PUM1: variants seen among roughly 807,000 people sequenced by gnomAD.
PUM1 encodes pumilio RNA binding family member 1, also known as pumilio homolog 1.
PUM1 carries 13 observed loss-of-function variants against 131.8 expected under a neutral mutation model. The ratio of observed to expected loss-of-function variants is 0.10; its 90% CI spans 0.06 to 0.16. The LOEUF is 0.16. Ranked by LOEUF, PUM1 falls within the 10% of genes least tolerant of loss-of-function variation. The pLI, the probability that PUM1 is intolerant of heterozygous loss-of-function variation, is 1.00. For missense variants in PUM1, 961 were observed against 1,512.4 expected, an observed-to-expected ratio of 0.64 and a Z score of 6.05; for synonymous variants, 509 against 556.5, an observed-to-expected ratio of 0.91 and a Z score of 1.20.
chr1:30,985,919 T>C (rs1237780959), intron 7 of PUM1, among the ~76,000 whole-genome samples: 1 of 152,108 alleles, frequency 6.6e-6, no homozygotes, highest in East Asian at 1.9e-4. Context: ...TCTGCATAGC[T>C]TGTACTAGAT....
chr1:30,949,644 A>C (rs1639844561), intron 17 of PUM1, among the ~76,000 whole-genome samples: 1 of 152,026 alleles, frequency 6.6e-6, no homozygotes, highest in Non-Finnish European at 1.5e-5. Flanking sequence ...GGTGTTAGTC[A>C]TCTCTGTGCT....
rs372043529 is a variant in PUM1, at chr1:30,966,150, G to C, written c.1918C>G (p.Leu640Val). The stretch of plus-strand genomic sequence containing the variant: ...TTGCCGTAGAAAGAACTGGATGCCA[G>C]GTTGTTATTGGGCTGCTGCTGGGGC... ...PQPQQQPNNN[L>V]ASSSFYGNNS... is the part of the protein sequence containing the mutation. The change falls in exon 13 of 22, where the codon CTG (leucine) becomes GTG (valine). Residue 640 changes from leucine (L) to valine (V), a missense_variant. Physicochemically the swap from Leu to Val is conservative, Grantham distance 32. Coordinates refer to ENST00000426105, the MANE Select transcript of PUM1 (RefSeq NM_001020658.2). 4.7e-5 allele frequency: 76 copies of C among 1,614,028 alleles called. No homozygotes were observed. Among genetic ancestry groups the C allele is most frequent in the Non-Finnish European group, 5.4e-5 (64 of 1,180,040 alleles).
At position 30,933,234 on chromosome 1, in the gene PUM1, C is replaced by T. The variant is rs1398981528; in HGVS notation, c.3544G>A (p.Gly1182Ser). ...CCTCAGATGATACCATTAGGGGGGC[C>T]ACAGATGGGCCCTAAGTCAACACCG... is the stretch of plus-strand genomic sequence containing the variant. ...KNGVDLGPIC[G>S]PPNGII The change falls in exon 22 of 22, where the codon GGC (glycine) becomes AGC (serine). Residue 1182 changes from glycine to serine, a missense_variant. Around this residue, in one of 4 missense-constraint regions of PUM1, gnomAD observed 178 missense variants for 327.5 expected, o/e 0.54. Coordinates refer to ENST00000426105, the MANE Select transcript of PUM1 (RefSeq NM_001020658.2). 1.9e-6 allele frequency: 3 copies of T among 1,613,128 alleles called. No individual in the cohort carries two copies. The highest frequency in any genetic ancestry group is 2.5e-6 in the Non-Finnish European group (3 of 1,179,666).
At chr1:30,939,122 A>C (rs745804985) in intron 20 of PUM1, among the ~76,000 whole-genome samples, 2 of 152,010 alleles carry the variant, frequency 1.3e-5, no homozygotes, top group African/African-American at 4.8e-5. Flanking sequence ...ACTGATTTTT[A>C]TTTCTTTTTT....
chr1:31,035,495 T>C (rs1487173149), intron 2 of PUM1, among the ~76,000 whole-genome samples: 2 of 152,152 alleles, frequency 1.3e-5, no homozygotes, highest in African/African-American at 4.8e-5. Context: ...CTCACACCTA[T>C]AATCCCAGCA....
At chr1:31,031,740 C>T (rs546808973) in intron 2 of PUM1, among the ~76,000 whole-genome samples, 1 of 152,336 alleles carries the variant, frequency 6.6e-6, no homozygotes, top group East Asian at 1.9e-4. Flanking sequence ...TTTTCACTAT[C>T]TCTTCCCCTA....
Position 30,942,052 on chromosome 1 carries a change from G to A in PUM1, c.3066C>T (p.Asp1022=). The A allele has an allele frequency of 1.2e-6, 2 of 1,602,626 alleles. No individual in the cohort carries two copies. Among genetic ancestry groups the A allele is most frequent in the Non-Finnish European group, 1.7e-6 (2 of 1,173,242 alleles). The change falls in exon 19 of 22, where the codon GAC becomes GAT. Residue 1022 remains aspartate (D), a synonymous_variant. Transcript: ENST00000426105. ...GCTCCTCTAAAATAGGGAGTGTCTG[G>A]TCAGGGAGACAGTGCTCCAGGATTC... ...IQRILEHCLP[D]QTLPILEELH... is the part of the protein sequence containing the mutation.
chr1:30,959,749 T>C lies in PUM1; in HGVS notation c.2323+4925A>G, dbSNP rs374336934. Among the ~76,000 whole-genome samples the C allele has an allele frequency of 1.8e-3, 271 of 150,580 alleles. 1 individual carries two copies. The highest frequency in any genetic ancestry group is 6.5e-3 in the African/African-American group (262 of 40,402). On this transcript the variant is annotated intron_variant, in intron 14 of 21. Transcript: ENST00000426105. Reference sequence around the variant, plus strand: ...TGTGAAACCCCATCTCTACAAAAAATACAAAAAATTAGCCGGGCGTGGTGG... The same window carrying C: ...TGTGAAACCCCATCTCTACAAAAAACACAAAAAATTAGCCGGGCGTGGTGG...
At chr1:31,064,858 A>G (rs998531414) in intron 1 of PUM1, among the ~76,000 whole-genome samples, 2 of 140,536 alleles carry the variant, frequency 1.4e-5, no homozygotes, top group African/African-American at 5.3e-5. Context: ...CAAATGATCT[A>G]TGTTTACCAA....
At chr1:30,967,729 A>G (rs1379943590) in intron 11 of PUM1, among the ~76,000 whole-genome samples, 1 of 152,234 alleles carries the variant, frequency 6.6e-6, no homozygotes, top group Non-Finnish European at 1.5e-5. Flanking sequence ...GCTCAGTTAA[A>G]TTGGCTATGC....
At chr1:30,942,231 A>ATATATATATG in intron 18 of PUM1, 108 bp from the exon 19 acceptor site, 1 of 167,334 alleles carries the variant, frequency 6.0e-6, no homozygotes, top group African/African-American at 3.2e-5. Flanking sequence ...ATATATATAT[A>ATATATATATG]TATATGTATT....
At chr1:31,064,839 C>T (rs904223304) in intron 1 of PUM1, among the ~76,000 whole-genome samples, 1 of 123,840 alleles carries the variant, frequency 8.1e-6, no homozygotes, top group Non-Finnish European at 1.6e-5. Context: ...ATGGTACTGA[C>T]AAGTAAAACA....
At chr1:31,035,369 G>A (rs1458972468) in intron 2 of PUM1, among the ~76,000 whole-genome samples, 1 of 151,394 alleles carries the variant, frequency 6.6e-6, no homozygotes, top group Non-Finnish European at 1.5e-5. Flanking sequence ...CTCCAACCTG[G>A]GTGACAAAAC....
intron 5 of PUM1, among the ~76,000 whole-genome samples, chr1:31,000,583 T>C (rs1026733145): frequency 6.6e-6 from 1 of 152,228 alleles, no homozygotes; most frequent in African/African-American, 2.4e-5. Flanking sequence ...AATATACCTA[T>C]TAATTCTGAA....
intron 10 of PUM1, among the ~76,000 whole-genome samples, chr1:30,974,303 T>TG (rs943282859): frequency 1.5e-4 from 23 of 152,286 alleles, no homozygotes; most frequent in African/African-American, 4.6e-4. Flanking sequence ...TCAAGCCCCT[T>TG]GCAAAACCCT....
At chr1:30,963,610 C>T (rs1465688247) in intron 14 of PUM1, among the ~76,000 whole-genome samples, 1 of 152,184 alleles carries the variant, frequency 6.6e-6, no homozygotes, top group Non-Finnish European at 1.5e-5. Context: ...TCTTATAAAT[C>T]ACTTTCTAGT....
Position 30,945,466 on chromosome 1 carries a change from T to C in PUM1, c.2874A>G (p.Glu958=). The part of the protein sequence containing the change: ...DQQVINEMVR[E]LDGHVLKCVK... The stretch of plus-strand genomic sequence containing the variant: ...CACACTTCAAGACATGGCCATCTAG[T>C]TCCCGAACCATCTCATTCTAATGGA... The change falls in exon 18 of 22, where the codon GAA becomes GAG. Residue 958 remains glutamate, a synonymous_variant. Coordinates refer to ENST00000426105, the MANE Select transcript of PUM1 (RefSeq NM_001020658.2). 6.2e-7 allele frequency: 1 copy of C among 1,614,146 alleles called. No homozygotes were observed. The highest frequency in any genetic ancestry group is 8.5e-7 in the Non-Finnish European group (1 of 1,180,014).
intron 2 of PUM1, among the ~76,000 whole-genome samples, chr1:31,032,459 C>CACTT (rs907766669): frequency 1.3e-5 from 2 of 152,076 alleles, no homozygotes; most frequent in Non-Finnish European, 1.5e-5. Flanking sequence ...GTTCCTTCTA[C>CACTT]ACTTCCCTTT....
intron 2 of PUM1, among the ~76,000 whole-genome samples, chr1:31,050,493 T>C (rs546983668): frequency 6.6e-6 from 1 of 152,202 alleles, no homozygotes; most frequent in African/African-American, 2.4e-5. Context: ...AAAGTTATAG[T>C]TGAAGAAGGC....
Sources: allele counts gnomAD v4.1 joint callset (sites outside exome capture counted in the v4.1 genomes callset), GRCh38; gene constraint gnomAD v4.1.1; regional missense constraint gnomAD v4.1.1; transcripts MANE v1.5; gene names NCBI Gene and HGNC (gene_info 2026-07-23, HGNC 2026-07-21).